Variants in PIGF observed in about 807,000 individuals in gnomAD.
PIGF encodes phosphatidylinositol glycan anchor biosynthesis class F.
A neutral mutation model predicts 26.0 loss-of-function variants in PIGF; 23 were observed. The ratio of observed to expected loss-of-function variants is 0.88; its 90% CI spans 0.64 to 1.25. The LOEUF (loss-of-function observed/expected upper bound fraction) is 1.25, where lower values mean the gene tolerates loss of function less well. Among genes scored for constraint, PIGF ranks in the 50% most tolerant of loss-of-function variants. PIGF has a pLI of 0.00. For synonymous variants in PIGF, 93 were observed against 92.6 expected, an observed-to-expected ratio of 1.00 and a Z score of -0.03; for missense variants, 278 against 249.9, an observed-to-expected ratio of 1.11 and a Z score of -0.76.
At chr2:46,604,187 T>C (rs1670145825) in intron 4 of PIGF, among the ~76,000 whole-genome samples, 2 of 152,076 alleles carry the variant, frequency 1.3e-5, no homozygotes, top group Admixed American at 6.6e-5. Context: ...CCAGTTAAAA[T>C]GGCTTTTATC....
chr2:46,588,019 A>G lies in PIGF; in HGVS notation c.546+4456T>C. ...CTGAGTAATGCTAAGCAAGATGTGT[A>G]CTCCTCCCCTCTCACACTTGGACTT... is the stretch of plus-strand genomic sequence containing the variant. On this transcript the variant is annotated intron_variant, in intron 5 of 5. Coordinates refer to ENST00000281382, the MANE Select transcript of PIGF (RefSeq NM_002643.4). This position sits in a 1 kb window ranked among gnomAD's most constrained non-coding sequence, Gnocchi z 4.1. 1.4e-6 allele frequency: 2 copies of G among 1,435,250 alleles called. No individual in the cohort carries two copies. Among genetic ancestry groups the G allele is most frequent in the Non-Finnish European group, 1.8e-6 (2 of 1,081,466 alleles). The allele number at this position is 1,435,250 out of a possible 1,614,324, so 88.9% of individuals were successfully genotyped here.
intron 5 of PIGF, chr2:46,591,949 C>A: frequency 7.7e-7 from 1 of 1,303,196 alleles, no homozygotes; most frequent in African/African-American, 1.5e-5. Context: ...GAGGAACATT[C>A]AATTTGGCCA....
At chr2:46,609,831 A>T (rs1264068479) in intron 4 of PIGF, among the ~76,000 whole-genome samples, 1 of 152,200 alleles carries the variant, frequency 6.6e-6, no homozygotes, top group Admixed American at 6.5e-5. Context: ...AATTACAAAA[A>T]GTAACAGCAA....
rs1669863867 is a variant in PIGF, at chr2:46,595,781, T to C, written c.438-3198A>G. 2.6e-5 allele frequency among the ~76,000 whole-genome samples: 4 copies of C among 152,240 alleles called. No homozygotes were observed. The South Asian group carries it at 8.3e-4, about 31-fold the overall frequency. On this transcript the variant is annotated intron_variant, in intron 4 of 5. Coordinates refer to ENST00000281382, the MANE Select transcript of PIGF (RefSeq NM_002643.4). The stretch of plus-strand genomic sequence containing the variant: ...CTGACACTTGTCATTATCTTTTTTT[T>C]ATTACAGTCATCGTAATTGGTGTGA...
At chr2:46,595,952 C>T (rs981937736) in intron 4 of PIGF, among the ~76,000 whole-genome samples, 3 of 152,124 alleles carry the variant, frequency 2.0e-5, no homozygotes, top group African/African-American at 7.2e-5. Flanking sequence ...CGGTGGCTCT[C>T]GCCTGAAATC....
intron 2 of PIGF, chr2:46,614,158 G>A (rs1301318466): frequency 1.3e-5 from 2 of 155,478 alleles, no homozygotes; most frequent in African/African-American, 4.8e-5. Flanking sequence ...GGAAATATCT[G>A]CAGAAAATAA....
intron 4 of PIGF, among the ~76,000 whole-genome samples, chr2:46,609,305 G>T (rs1207791800): frequency 1.3e-5 from 2 of 152,228 alleles, no homozygotes; most frequent in Non-Finnish European, 1.5e-5. Flanking sequence ...CAGAAATGAA[G>T]AGAGTGAGAG....
At chr2:46,612,951 G>A (rs1030503448) in intron 3 of PIGF, among the ~76,000 whole-genome samples, 2 of 151,886 alleles carry the variant, frequency 1.3e-5, no homozygotes, top group African/African-American at 4.8e-5. Flanking sequence ...GATTAGACAG[G>A]AACCACCATT....
chr2:46,592,882 C>T (rs1451146162), intron 4 of PIGF, among the ~76,000 whole-genome samples: 5 of 152,202 alleles, frequency 3.3e-5, no homozygotes, highest in Non-Finnish European at 7.3e-5. Context: ...CCTTTCCCCA[C>T]AGGCAACTGC....
At position 46,588,262 on chromosome 2, in the gene PIGF, A is replaced by G. The variant is rs1474990194; in HGVS notation, c.546+4213T>C. 2 of 1,555,004 alleles carry G rather than the reference A, an allele frequency of 1.3e-6. No homozygotes were observed. Among genetic ancestry groups the G allele is most frequent in the Admixed American group, 1.8e-5 (1 of 54,206 alleles). On this transcript the variant is annotated intron_variant, in intron 5 of 5. Coordinates refer to ENST00000281382, the MANE Select transcript of PIGF (RefSeq NM_002643.4). The surrounding 1 kb of genome is among the most constrained non-coding windows in gnomAD (Gnocchi z 4.1). ...AACTAAATACCAGAGAAATAGATAA[A>G]TTAACAGTCCACTCTACCAACTGAA... is the stretch of plus-strand genomic sequence containing the variant.
intron 5 of PIGF, among the ~76,000 whole-genome samples, chr2:46,590,632 A>T (rs17767121): frequency 0.065 from 9,907 of 152,216 alleles, 441 homozygotes; most frequent in Non-Finnish European, 0.1. Flanking sequence ...ATAGCAATGA[A>T]TCTACACAGT....
intron 4 of PIGF, among the ~76,000 whole-genome samples, chr2:46,597,579 T>C (rs1217921883): frequency 1.3e-5 from 2 of 152,014 alleles, no homozygotes; most frequent in Non-Finnish European, 2.9e-5. Flanking sequence ...TGCCCAGCTA[T>C]TTTTGTATTT....
chr2:46,614,577 G>C (rs1480444593), intron 2 of PIGF: 1 of 159,370 alleles, frequency 6.3e-6, no homozygotes, highest in African/African-American at 2.4e-5. Flanking sequence ...CCCACTAAGT[G>C]GCTTTCAGAA....
chr2:46,594,318 T>G (rs1204920200), intron 4 of PIGF, among the ~76,000 whole-genome samples: 1 of 152,154 alleles, frequency 6.6e-6, no homozygotes, highest in Non-Finnish European at 1.5e-5. Context: ...GTGGTAGAGG[T>G]TGAGAGCAGA....
chr2:46,613,043 A>T (rs1396474226), intron 3 of PIGF, among the ~76,000 whole-genome samples: 2 of 148,262 alleles, frequency 1.3e-5, no homozygotes, highest in African/African-American at 4.9e-5. Flanking sequence ...ACTATGTATA[A>T]ATATATATAT....
chr2:46,599,123 T>A (rs1001122849), intron 4 of PIGF, among the ~76,000 whole-genome samples: 1 of 152,200 alleles, frequency 6.6e-6, no homozygotes, highest in Non-Finnish European at 1.5e-5. Context: ...GGATTTCGTT[T>A]AAAACTTATT....
chr2:46,612,256 C>T lies in PIGF; in HGVS notation c.409G>A (p.Ala137Thr), dbSNP rs776331352. 1 of 1,396,810 alleles carries T rather than the reference C, an allele frequency of 7.2e-7. No individual in the cohort carries two copies. The highest frequency in any genetic ancestry group is 2.7e-5 in the East Asian group (1 of 36,456). 86.5% of individuals were successfully genotyped at this position (1,396,810 alleles called of 1,614,324 possible). ...TTTCTACTGAACACTCTTAGCCATG[C>T]TTTGAGGTTTGGTCCTAACAAACAT... Reference protein sequence around the residue: ...CLCLLGPNLKAWLRVFSRNGV... With the variant: ...CLCLLGPNLKTWLRVFSRNGV... Residue 137 changes from alanine to threonine, a missense_variant, in exon 4 of 6, where the codon GCA becomes ACA. Transcript: ENST00000281382.
intron 4 of PIGF, among the ~76,000 whole-genome samples, chr2:46,597,306 C>T (rs981481695): frequency 1.3e-5 from 2 of 152,026 alleles, no homozygotes; most frequent in African/African-American, 4.8e-5. Flanking sequence ...CCATAGATTC[C>T]TGAGAAAGGG....
chr2:46,600,010 C>T (rs893960526), intron 4 of PIGF, among the ~76,000 whole-genome samples: 1 of 152,120 alleles, frequency 6.6e-6, no homozygotes, highest in Non-Finnish European at 1.5e-5. Context: ...GGTAGGGAGG[C>T]TGGGTAAGAT....
Sources: gnomAD v4.1 joint callset for allele counts (sites outside exome capture counted in the v4.1 genomes callset) on GRCh38, gnomAD v4.1.1 for gene constraint, Gnocchi (gnomAD v3.1) non-coding constraint, MANE v1.5 for transcripts, NCBI Gene and HGNC (gene_info 2026-07-23, HGNC 2026-07-21) for gene names.